CFAP68: variants seen among roughly 807,000 people sequenced by gnomAD.
The protein encoded by CFAP68 is cilia and flagella associated protein 68.
At chr11:111,882,951 C>T in the CFAP68 span, among the ~76,000 whole-genome samples, 6 of 152,176 alleles carry the variant, frequency 3.9e-5, no homozygotes, top group South Asian at 8.3e-4. Context: ...GAGTCTTGCA[C>T]TTAAATCGCT....
the CFAP68 span, chr11:111,884,041 C>T: frequency 1.9e-6 from 1 of 529,868 alleles, no homozygotes; most frequent in African/African-American, 2.0e-5. Flanking sequence ...CACAGTTTCA[C>T]TCTCTGAATA....
the CFAP68 span, chr11:111,881,548 G>C: frequency 6.5e-7 from 1 of 1,536,000 alleles, no homozygotes; most frequent in Non-Finnish European, 8.7e-7. Flanking sequence ...AAGGATTTCT[G>C]TGACTCTCAT....
At chr11:111,880,283 T>C in the CFAP68 span, among the ~76,000 whole-genome samples, 3 of 152,292 alleles carry the variant, frequency 2.0e-5, no homozygotes, top group East Asian at 1.9e-4. Context: ...CTCCCACTTA[T>C]AAGTGAGAAT....
At chr11:111,882,524 A>G in the CFAP68 span, 2 of 1,614,028 alleles carry the variant, frequency 1.2e-6, no homozygotes, top group Non-Finnish European at 1.7e-6. Context: ...TTCAAACCGT[A>G]CCCTGATGGG....
At chr11:111,885,098 C>G in the CFAP68 span, 1 of 150,658 alleles carries the variant, frequency 6.6e-6, no homozygotes, top group African/African-American at 2.5e-5. Flanking sequence ...TTGCAGTGAG[C>G]TGAGACGGTG....
chr11:111,880,907 T>C, the CFAP68 span: 1 of 411,254 alleles, frequency 2.4e-6, no homozygotes, highest in South Asian at 1.7e-5. Flanking sequence ...TGAAAGATTT[T>C]AAATAAGAAG....
the CFAP68 span, chr11:111,882,380 G>T: frequency 6.2e-7 from 1 of 1,613,630 alleles, no homozygotes; most frequent in South Asian, 1.1e-5. Flanking sequence ...ACAGAACCTC[G>T]CCTGTTTCCT....
the CFAP68 span, chr11:111,881,663 A>G: frequency 1.3e-6 from 2 of 1,484,492 alleles, no homozygotes; most frequent in African/African-American, 1.4e-5. Flanking sequence ...TTGGGGAAAA[A>G]GAAAGATTGA....
the CFAP68 span, chr11:111,883,751 C>CT: frequency 6.8e-4 from 1,023 of 1,506,014 alleles, no homozygotes; most frequent in Non-Finnish European, 7.8e-4. Flanking sequence ...TCTTTCCTTC[C>CT]TTTTTTTTTC....
At chr11:111,880,164 A>G in the CFAP68 span, among the ~76,000 whole-genome samples, 2 of 152,286 alleles carry the variant, frequency 1.3e-5, no homozygotes, top group African/African-American at 4.8e-5. Flanking sequence ...ACATGGGTAT[A>G]TTGCACCTAA....
chr11:111,882,993 A>T, the CFAP68 span: 1 of 712,000 alleles, frequency 1.4e-6, no homozygotes, highest in South Asian at 1.7e-5. Context: ...AACATGTGAA[A>T]GTTAGAAGGA....
the CFAP68 span, chr11:111,879,716 A>G: frequency 1.0e-4 from 119 of 1,171,656 alleles, no homozygotes; most frequent in African/African-American, 1.1e-3. Context: ...AATGTGGCCT[A>G]TGATTTCAAT....
chr11:111,883,322 G>A, the CFAP68 span: 1 of 831,180 alleles, frequency 1.2e-6, no homozygotes, highest in Non-Finnish European at 1.9e-6. Flanking sequence ...GGGCGCAGTG[G>A]CTCACACCTG....
the CFAP68 span, chr11:111,885,275 C>T: frequency 1.3e-5 from 2 of 152,074 alleles, no homozygotes; most frequent in African/African-American, 4.8e-5. Flanking sequence ...GCTGGGAGTT[C>T]AAAACCAGCC....
the CFAP68 span, chr11:111,881,099 A>T: frequency 1.2e-6 from 1 of 809,252 alleles, no homozygotes; most frequent in Non-Finnish European, 1.6e-6. Flanking sequence ...TCTGATTCAA[A>T]AATCAACAAG....
the CFAP68 span, chr11:111,879,714 C>T: frequency 8.1e-6 from 10 of 1,237,806 alleles, no homozygotes; most frequent in African/African-American, 1.5e-5. Flanking sequence ...AAAATGTGGC[C>T]TATGATTTCA....
At chr11:111,882,486 G>C in the CFAP68 span, 1 of 1,614,152 alleles carries the variant, frequency 6.2e-7, no homozygotes, top group Non-Finnish European at 8.5e-7. Context: ...CAGTATGGAT[G>C]GCGATGCACC....
chr11:111,882,384 G>A, the CFAP68 span: 2 of 1,613,968 alleles, frequency 1.2e-6, no homozygotes, highest in African/African-American at 1.3e-5. Context: ...AACCTCGCCT[G>A]TTTCCTCACA....
chr11:111,879,618 CCTATCTT>C, the CFAP68 span: 12 of 1,610,504 alleles, frequency 7.5e-6, 2 homozygotes, highest in South Asian at 1.1e-4. Context: ...GCTTAAATCT[CCTATCTT>C]CTATTCGTTC....
Sources: allele counts gnomAD v4.1 joint callset (sites outside exome capture counted in the v4.1 genomes callset), GRCh38; gene constraint gnomAD v4.1.1; transcripts MANE v1.5; gene names NCBI Gene and HGNC (gene_info 2026-07-23, HGNC 2026-07-21).